Variants in RGMA observed in about 807,000 individuals in gnomAD.
RGMA encodes repulsive guidance molecule A.
RGMA carries 10 observed loss-of-function variants against 23.2 expected under a neutral mutation model. That is an observed-to-expected ratio of 0.43 (90% CI 0.27 to 0.73). The LOEUF (loss-of-function observed/expected upper bound fraction) is 0.73, where lower values mean the gene tolerates loss of function less well. RGMA is among the 30% of genes least tolerant of loss of function. The pLI is 0.20. For synonymous variants in RGMA, 308 were observed against 279.3 expected (o/e 1.10, Z -1.03); for missense variants, 547 against 630.5 (o/e 0.87, Z 1.42).
intron 1 of RGMA, among the ~76,000 whole-genome samples, chr15:93,083,670 C>T (rs915043470): frequency 6.6e-6 from 1 of 152,172 alleles, no homozygotes; most frequent in Non-Finnish European, 1.5e-5. Context: ...ATCTGAATGT[C>T]AGACTATTTT....
chr15:93,048,251 TG>T (rs1430088053), intron 3 of RGMA, among the ~76,000 whole-genome samples: 1 of 151,786 alleles, frequency 6.6e-6, no homozygotes, highest in Non-Finnish European at 1.5e-5. Context: ...GCCTGAGGGG[TG>T]TGGAACCCCC....
At position 93,041,435 on chromosome 15, in the gene RGMA, T is replaced by C. The variant is rs1228497770; in HGVS notation, c.*3563A>G. The C allele has an allele frequency of 6.6e-6, 1 of 152,360 alleles. No homozygotes were observed. The highest frequency in any genetic ancestry group is 2.4e-5 in the African/African-American group (1 of 41,574). 9.4% of individuals were successfully genotyped at this position (152,360 alleles called of 1,614,324 possible). ...GGGAATCTTTTAGCTCAGGATGCTG[T>C]GTTCCATATTCACGACGGCATTTCC... is the stretch of plus-strand genomic sequence containing the variant. On this transcript the variant is annotated 3_prime_UTR_variant, in exon 4 of 4. Coordinates refer to ENST00000329082, the MANE Select transcript of RGMA (RefSeq NM_020211.3).
chr15:93,089,135 C>A lies in RGMA; in HGVS notation c.-203G>T. On this transcript the variant is annotated 5_prime_UTR_variant, in exon 1 of 4. Transcript: ENST00000329082. The stretch of plus-strand genomic sequence containing the variant: ...CTGCGAGCGCCTGGCGGAGCCGGCC[C>A]GGGAGCGAACGGCCAGTGCTTCCCC... 3.0e-6 allele frequency: 1 copy of A among 332,704 alleles called. No individual in the cohort carries two copies. The allele number at this position is 332,704 out of a possible 1,614,324, so 20.6% of individuals were successfully genotyped here.
intron 1 of RGMA, 139 bp from the exon 2 acceptor site, chr15:93,073,170 C>G: frequency 8.4e-7 from 1 of 1,193,216 alleles, no homozygotes; most frequent in Non-Finnish European, 1.0e-6. Context: ...CCCCTTCCCG[C>G]GCCGCCCCCC....
rs1326640223 is a variant in RGMA at position 93,087,474 on chromosome 15, A to AAAAAAC, written c.14+1444_14+1445insGTTTTT. Among the ~76,000 whole-genome samples the AAAAAAC allele has an allele frequency of 2.5e-4, 38 of 150,320 alleles. 1 individual carries two copies. The highest frequency in any genetic ancestry group is 9.3e-4 in the African/African-American group (38 of 41,008). The stretch of plus-strand genomic sequence containing the variant: ...CCTTCTTTGTATGTGCAAAAAAAAA[A>AAAAAAC]AAAAAAAAAACCACAAAACCCAGTT... On this transcript the variant is annotated intron_variant, in intron 1 of 3. Coordinates refer to ENST00000329082, the MANE Select transcript of RGMA (RefSeq NM_020211.3).
chr15:93,051,048 T>G (rs1048205801), intron 3 of RGMA, among the ~76,000 whole-genome samples: 3 of 152,172 alleles, frequency 2.0e-5, no homozygotes, highest in Admixed American at 6.5e-5. Context: ...GGTGTCATGT[T>G]GTGGTGCCAA....
At chr15:93,085,137 G>A (rs1337565937) in intron 1 of RGMA, among the ~76,000 whole-genome samples, 1 of 152,186 alleles carries the variant, frequency 6.6e-6, no homozygotes, top group Admixed American at 6.5e-5. Flanking sequence ...CAGAAGAATG[G>A]AATATTACCA....
intron 1 of RGMA, 29 bp downstream of exon 1, chr15:93,088,890 G>T (rs1471793566): frequency 2.0e-6 from 3 of 1,491,770 alleles, no homozygotes; most frequent in Non-Finnish European, 2.7e-6. Flanking sequence ...GTCAGAGCCG[G>T]GTCTGCCCGG....
Position 93,052,383 on chromosome 15 carries a change from G to C in RGMA, c.255C>G (p.Cys85Trp). 1 of 1,600,154 alleles carries C rather than the reference G, an allele frequency of 6.2e-7. No homozygotes were observed. Among genetic ancestry groups the C allele is most frequent in the Non-Finnish European group, 8.5e-7 (1 of 1,179,450 alleles). Residue 85 changes from cysteine to tryptophan, a missense_variant, in exon 3 of 4, where the codon TGC (cysteine) becomes TGG (tryptophan). Physicochemically the swap from Cys to Trp is radical, Grantham distance 215. Transcript: ENST00000329082. ...GGCAGGTGCGGGCCGTCCGCCGCGT[G>C]CACAGGGCGTAGCTGCGCAAGGCTG... ...FCAALRSYAL[C>W]TRRTARTCRG...
intron 2 of RGMA, among the ~76,000 whole-genome samples, chr15:93,067,194 A>G (rs1393257375): frequency 1.3e-5 from 2 of 152,140 alleles, no homozygotes; most frequent in Non-Finnish European, 2.9e-5. Flanking sequence ...TTTATTACTT[A>G]TCCCTTTCAG....
At chr15:93,068,990 C>T (rs1447157644) in intron 2 of RGMA, among the ~76,000 whole-genome samples, 2 of 152,210 alleles carry the variant, frequency 1.3e-5, no homozygotes, top group Non-Finnish European at 2.9e-5. Context: ...ATGTATAAGC[C>T]ACCCACTTAT....
intron 3 of RGMA, among the ~76,000 whole-genome samples, chr15:93,050,847 G>A (rs1039403003): frequency 9.9e-5 from 15 of 152,144 alleles, no homozygotes; most frequent in African/African-American, 3.6e-4. Flanking sequence ...AAGCGTGCTG[G>A]TGCCTGGATT....
At chr15:93,066,607 C>G (rs2141833105) in intron 2 of RGMA, 1 of 454,238 alleles carries the variant, frequency 2.2e-6, no homozygotes, top group South Asian at 1.6e-5. Flanking sequence ...GGCATCGTCG[C>G]CGTGGGGACT....
chr15:93,053,071 C>G (rs913283543), intron 2 of RGMA, among the ~76,000 whole-genome samples: 4 of 152,210 alleles, frequency 2.6e-5, no homozygotes, highest in Non-Finnish European at 5.9e-5. Context: ...GGCCAAAACT[C>G]AATGAACGTC....
At chr15:93,088,663 G>A (rs1282947525) in intron 1 of RGMA, 4 of 946,250 alleles carry the variant, frequency 4.2e-6, no homozygotes, top group African/African-American at 1.8e-5. Context: ...TGCCGGGTCT[G>A]CCCAACCACG....
Position 93,088,673 on chromosome 15 carries a change from G to A in RGMA, c.14+246C>T, listed in dbSNP as rs569384748. 1.0e-4 allele frequency: 94 copies of A among 899,256 alleles called. No homozygotes were observed. In the African/African-American group the frequency reaches 1.6e-3, roughly 15 times the overall value. The allele number at this position is 899,256 out of a possible 1,614,324, so 55.7% of individuals were successfully genotyped here. A position where few individuals can be genotyped will look rare whatever the true frequency, so the allele number is the denominator to read the frequency against. Reference sequence around the variant, plus strand: ...ACGTGTGCCGGGTCTGCCCAACCACGCGCGCTGGCGGCTGCCCGGGGGAGA... The same window carrying A: ...ACGTGTGCCGGGTCTGCCCAACCACACGCGCTGGCGGCTGCCCGGGGGAGA... On this transcript the variant is annotated intron_variant, in intron 1 of 3. Transcript: ENST00000329082.
chr15:93,037,503 G>C lies in RGMA; in HGVS notation c.*7495C>G, dbSNP rs1002402824. 1 of 152,404 alleles carries C rather than the reference G, an allele frequency of 6.6e-6. No homozygotes were observed. Among genetic ancestry groups the C allele is most frequent in the African/African-American group, 2.4e-5 (1 of 41,466 alleles). The allele number at this position is 152,404 out of a possible 1,614,324, so 9.4% of individuals were successfully genotyped here. On this transcript the variant is annotated 3_prime_UTR_variant, in exon 4 of 4. Transcript: ENST00000329082. This position sits in a 1 kb window ranked among gnomAD's most constrained non-coding sequence, Gnocchi z 4.3. Reference sequence around the variant, plus strand: ...TTGACGGGGTGCTTTGGGGACTGCTGCTTCCCATATTGCCAACTGCCTTAT... The same window carrying C: ...TTGACGGGGTGCTTTGGGGACTGCTCCTTCCCATATTGCCAACTGCCTTAT...
At chr15:93,088,135 G>A (rs548411741) in intron 1 of RGMA, 3 of 522,022 alleles carry the variant, frequency 5.7e-6, no homozygotes, top group African/African-American at 4.1e-5. Context: ...GCTCCCATTA[G>A]AAATCTCAAT....
chr15:93,061,863 A>C (rs1487174887), intron 2 of RGMA, among the ~76,000 whole-genome samples: 1 of 152,218 alleles, frequency 6.6e-6, no homozygotes, highest in Non-Finnish European at 1.5e-5. Flanking sequence ...CATAACAACG[A>C]AGCCCAATAA....
Sources: allele counts gnomAD v4.1 joint callset (sites outside exome capture counted in the v4.1 genomes callset), GRCh38; gene constraint gnomAD v4.1.1; non-coding constraint Gnocchi (gnomAD v3.1); transcripts MANE v1.5; gene names NCBI Gene and HGNC (gene_info 2026-07-23, HGNC 2026-07-21).